The following PKNOX2 variants were observed in gnomAD, a reference collection of about 807,000 sequenced individuals.
PKNOX2 encodes the protein PBX/knotted 1 homeobox 2, also known as homeobox protein PKNOX2.
In PKNOX2, 14 loss-of-function variants were observed where a neutral mutation model predicts 53.1. The observed-to-expected ratio is 0.26, with a 90% CI of 0.17 to 0.41. The LOEUF is 0.41. PKNOX2 is among the 10% of genes least tolerant of loss of function. The pLI is 1.00. For missense variants in PKNOX2, 496 were observed against 602.8 expected, an observed-to-expected ratio of 0.82 and a Z score of 1.85; for synonymous variants, 257 against 242.8, an observed-to-expected ratio of 1.06 and a Z score of -0.54.
chr11:125,397,215 G>A (rs1447527076), intron 6 of PKNOX2, among the ~76,000 whole-genome samples: 1 of 152,188 alleles, frequency 6.6e-6, no homozygotes, highest in African/African-American at 2.4e-5. Context: ...GAGGTAGCTG[G>A]TGCCCAGCTA....
chr11:125,368,094 C>CAAGGGAG, intron 5 of PKNOX2, 109 bp downstream of exon 5: 2 of 1,350,314 alleles, frequency 1.5e-6, no homozygotes, highest in Non-Finnish European at 2.0e-6. Flanking sequence ...AGATGACGGC[C>CAAGGGAG]AATAGCTATT....
Position 125,300,591 on chromosome 11 carries a change from CAGAG to C in PKNOX2, c.-129-31222_-129-31219del, listed in dbSNP as rs926484994. 4.6e-5 allele frequency among the ~76,000 whole-genome samples: 7 copies of C among 151,758 alleles called. No homozygotes were observed. In the South Asian group the frequency reaches 6.3e-4, roughly 14 times the overall value. The stretch of plus-strand genomic sequence containing the variant: ...AGAGAGAAAAAGAGAGACAGAGAGA[CAGAG>C]AGAGACAGAAAGAGAGAGACAGAGA... On this transcript the variant is annotated intron_variant, in intron 2 of 12. Transcript: ENST00000298282.
At chr11:125,376,252 C>A (rs886261317) in intron 5 of PKNOX2, among the ~76,000 whole-genome samples, 3 of 152,162 alleles carry the variant, frequency 2.0e-5, no homozygotes, top group Non-Finnish European at 1.5e-5. Flanking sequence ...TTTAGCAACT[C>A]GAAGAAGTCC....
At chr11:125,167,180 AAG>A (rs1368123572) in intron 1 of PKNOX2, among the ~76,000 whole-genome samples, 1 of 142,786 alleles carries the variant, frequency 7.0e-6, no homozygotes, top group Non-Finnish European at 1.5e-5. Context: ...CATCTAGAGA[AAG>A]AGTGTGTGTG....
chr11:125,314,051 C>T (rs1948995698), intron 2 of PKNOX2, among the ~76,000 whole-genome samples: 1 of 152,226 alleles, frequency 6.6e-6, no homozygotes, highest in East Asian at 1.9e-4. Flanking sequence ...GAGGAAATAG[C>T]TGAGGTCCTG....
intron 2 of PKNOX2, among the ~76,000 whole-genome samples, chr11:125,326,852 T>G (rs1949842837): frequency 6.6e-6 from 1 of 152,224 alleles, no homozygotes; most frequent in Non-Finnish European, 1.5e-5. Context: ...AAATGTGTGA[T>G]GAAGCTGGTC....
At chr11:125,374,447 C>T (rs1565509810) in intron 5 of PKNOX2, among the ~76,000 whole-genome samples, 1 of 152,158 alleles carries the variant, frequency 6.6e-6, no homozygotes, top group Non-Finnish European at 1.5e-5. Flanking sequence ...TGACTATAGT[C>T]AGGGGGGTGA....
At position 125,361,909 on chromosome 11, in the gene PKNOX2, C is replaced by T. The variant is rs935780264; in HGVS notation, c.88-5937C>T. Among the ~76,000 whole-genome samples, 20 of 152,220 alleles carry T rather than the reference C, an allele frequency of 1.3e-4. 1 individual carries two copies. Among genetic ancestry groups the T allele is most frequent in the Admixed American group, 5.2e-4 (8 of 15,286 alleles). ...GTGGGCTCTCGGCCTCCAGGCTCCT[C>T]ATAGCCTGGGAGGGAATTTGACCCA... On this transcript the variant is annotated intron_variant, in intron 4 of 12. Coordinates refer to ENST00000298282, the MANE Select transcript of PKNOX2 (RefSeq NM_001382323.2).
At chr11:125,190,835 C>T (rs576241427) in intron 1 of PKNOX2, 9 of 152,392 alleles carry the variant, frequency 5.9e-5, no homozygotes, top group African/African-American at 1.9e-4. Flanking sequence ...CTCCTCTGAA[C>T]TCTTTGGCCT....
intron 1 of PKNOX2, among the ~76,000 whole-genome samples, chr11:125,173,358 G>A (rs1457481609): frequency 6.6e-6 from 1 of 152,140 alleles, no homozygotes; most frequent in Non-Finnish European, 1.5e-5. Context: ...TAAAGTGGCA[G>A]GTCCAGGAAG....
At chr11:125,366,104 C>T (rs1263155258) in intron 4 of PKNOX2, among the ~76,000 whole-genome samples, 1 of 152,212 alleles carries the variant, frequency 6.6e-6, no homozygotes, top group Admixed American at 6.5e-5. Context: ...TTCTTTCTTA[C>T]AGCACCTCCT....
intron 3 of PKNOX2, among the ~76,000 whole-genome samples, chr11:125,348,647 G>T (rs1951125268): frequency 6.6e-6 from 1 of 152,172 alleles, no homozygotes. Context: ...CCCCACACAG[G>T]GCAGCCCTCC....
intron 6 of PKNOX2, among the ~76,000 whole-genome samples, chr11:125,391,099 G>T (rs150848279): frequency 6.6e-6 from 1 of 152,294 alleles, no homozygotes; most frequent in Admixed American, 6.5e-5. Flanking sequence ...AGGGAGAATA[G>T]TTCCAGCTTC....
chr11:125,289,658 A>G (rs1425317892), intron 2 of PKNOX2, among the ~76,000 whole-genome samples: 1 of 152,106 alleles, frequency 6.6e-6, no homozygotes, highest in Non-Finnish European at 1.5e-5. Flanking sequence ...GGAGGAAGAG[A>G]TCACTCCTAA....
At chr11:125,350,306 C>T (rs535715545) in intron 3 of PKNOX2, among the ~76,000 whole-genome samples, 6 of 152,322 alleles carry the variant, frequency 3.9e-5, no homozygotes, top group Middle Eastern at 3.4e-3. Context: ...CTTGAGGCTT[C>T]ATGGGGGCAG....
chr11:125,401,056 A>C (rs1203376345), intron 7 of PKNOX2, among the ~76,000 whole-genome samples: 3 of 151,618 alleles, frequency 2.0e-5, no homozygotes, highest in Non-Finnish European at 4.4e-5. Context: ...GAAAGAAATA[A>C]TGGAATGAGA....
intron 10 of PKNOX2, among the ~76,000 whole-genome samples, chr11:125,416,074 C>T (rs576754523): frequency 3.3e-5 from 5 of 151,984 alleles, no homozygotes; most frequent in African/African-American, 7.2e-5. Flanking sequence ...GAGGCCGAGG[C>T]GGGCGGATCA....
At position 125,431,453 on chromosome 11, in the gene PKNOX2, A is replaced by C; in HGVS notation, c.*61A>C. 6.7e-5 allele frequency: 9 copies of C among 134,404 alleles called. No individual in the cohort carries two copies. The highest frequency in any genetic ancestry group is 1.2e-4 in the Non-Finnish European group (9 of 74,534). 8.3% of individuals were successfully genotyped at this position (134,404 alleles called of 1,614,324 possible). A position where few individuals can be genotyped will look rare whatever the true frequency, so the allele number is the denominator to read the frequency against. ...AGAGGAGTGTCGCCGGGAGGCCTTC[A>C]GGGTGGGGGGGAAGGGGACATGGGC... On this transcript the variant is annotated 3_prime_UTR_variant, in exon 13 of 13. Coordinates refer to ENST00000298282, the MANE Select transcript of PKNOX2 (RefSeq NM_001382323.2).
rs77835860 is a variant in PKNOX2, at chr11:125,242,664, G to C, written c.-130+7549G>C. 5.3e-3 allele frequency among the ~76,000 whole-genome samples: 813 copies of C among 152,232 alleles called. 10 individuals are homozygous for C. Among genetic ancestry groups the C allele is most frequent in the African/African-American group, 0.018 (764 of 41,530 alleles). Reference sequence around the variant, plus strand: ...TTCCTGTGCAATGCGGGGCAGGGATGGGGGGAGGGCGGGTTGTGTGTGAGT... The same window carrying C: ...TTCCTGTGCAATGCGGGGCAGGGATCGGGGGAGGGCGGGTTGTGTGTGAGT... On this transcript the variant is annotated intron_variant, in intron 2 of 12. Coordinates refer to ENST00000298282, the MANE Select transcript of PKNOX2 (RefSeq NM_001382323.2).
Sources: allele counts gnomAD v4.1 joint callset (sites outside exome capture counted in the v4.1 genomes callset), GRCh38; gene constraint gnomAD v4.1.1; transcripts MANE v1.5; gene names NCBI Gene and HGNC (gene_info 2026-07-23, HGNC 2026-07-21).